Variants in SIK2 observed in about 807,000 individuals in gnomAD.
The protein encoded by SIK2 is serine/threonine-protein kinase SIK2.
In SIK2, 29 loss-of-function variants were observed where a neutral mutation model predicts 103.2. The observed-to-expected ratio is 0.28, with a 90% confidence interval of 0.21 to 0.38. The LOEUF (loss-of-function observed/expected upper bound fraction) is 0.38. SIK2 is among the 10% of genes least tolerant of loss of function. The pLI is 1.00. For synonymous variants in SIK2, 412 were observed against 446.1 expected, an observed-to-expected ratio of 0.92 and a Z score of 0.96; for missense variants, 879 against 1,171.0, an observed-to-expected ratio of 0.75 and a Z score of 3.64.
At chr11:111,623,232 A>G (rs1941917876) in intron 3 of SIK2, among the ~76,000 whole-genome samples, 1 of 152,122 alleles carries the variant, frequency 6.6e-6, no homozygotes, top group Non-Finnish European at 1.5e-5. Flanking sequence ...TATAAACTTG[A>G]CTAGGACTGT....
chr11:111,724,149 G>A lies in SIK2; in HGVS notation c.*20G>A. The A allele has an allele frequency of 6.3e-7, 1 of 1,596,104 alleles. No homozygotes were observed. Among genetic ancestry groups the A allele is most frequent in the Non-Finnish European group, 8.5e-7 (1 of 1,172,374 alleles). On this transcript the variant is annotated 3_prime_UTR_variant, in exon 15 of 15. Transcript: ENST00000304987. Reference sequence around the variant, plus strand: ...AATTAGTCTCAGCACAGGAATTGAGGTGGGTCAGGTGAAGGAAGAGTGTAT... The same window carrying A: ...AATTAGTCTCAGCACAGGAATTGAGATGGGTCAGGTGAAGGAAGAGTGTAT...
At chr11:111,653,334 C>T (rs1319945360) in intron 3 of SIK2, among the ~76,000 whole-genome samples, 1 of 152,228 alleles carries the variant, frequency 6.6e-6, no homozygotes, top group Non-Finnish European at 1.5e-5. Context: ...ATTTATGGAA[C>T]TGTTCTCGGA....
chr11:111,619,170 ATAAT>A (rs1356045112), intron 2 of SIK2, among the ~76,000 whole-genome samples: 1 of 152,216 alleles, frequency 6.6e-6, no homozygotes, highest in Non-Finnish European at 1.5e-5. Context: ...TTTGAGGTAA[ATAAT>A]TGGTTACAGT....
intron 3 of SIK2, among the ~76,000 whole-genome samples, chr11:111,633,576 G>A (rs1388156522): frequency 4.6e-5 from 7 of 152,114 alleles, no homozygotes; most frequent in African/African-American, 7.2e-5. Context: ...AAACATGAAC[G>A]AGGAAATACT....
chr11:111,605,941 A>G (rs1941643363), intron 1 of SIK2, among the ~76,000 whole-genome samples: 1 of 152,164 alleles, frequency 6.6e-6, no homozygotes, highest in Non-Finnish European at 1.5e-5. Flanking sequence ...CCAGCTTCCT[A>G]ATACGCTTTG....
chr11:111,703,286 A>G lies in SIK2; in HGVS notation c.811A>G (p.Met271Val). The change falls in exon 7 of 15, where the codon ATG becomes GTG. Residue 271 changes from methionine (M) to valine (V), a missense_variant. Physicochemically the swap from Met to Val is conservative, Grantham distance 21 (BLOSUM62 1). This residue lies in a region of SIK2 where 99 missense variants were observed against 153.9 expected (regional missense o/e 0.64). Coordinates refer to ENST00000304987, the MANE Select transcript of SIK2 (RefSeq NM_015191.3). The stretch of plus-strand genomic sequence containing the variant: ...AGCCCAAATCAAGGAGCATAAATGG[A>G]TGCTCATAGAAGTTCCTGTCCAGAG... ...TIAQIKEHKW[M>V]LIEVPVQRPV... 1 of 1,614,204 alleles carries G rather than the reference A, an allele frequency of 6.2e-7. No individual in the cohort carries two copies. The highest frequency in any genetic ancestry group is 8.5e-7 in the Non-Finnish European group (1 of 1,180,024).
chr11:111,641,803 G>A (rs1942187349), intron 3 of SIK2, among the ~76,000 whole-genome samples: 1 of 152,046 alleles, frequency 6.6e-6, no homozygotes, highest in Admixed American at 6.5e-5. Flanking sequence ...TTCCCTATGT[G>A]TACCGTATGA....
intron 3 of SIK2, among the ~76,000 whole-genome samples, chr11:111,654,146 ATTTC>A (rs1942362247): frequency 6.6e-6 from 1 of 152,202 alleles, no homozygotes; most frequent in Non-Finnish European, 1.5e-5. Context: ...TCCTAAGGGA[ATTTC>A]TTTATTGTTT....
At chr11:111,710,152 G>A (rs918988306) in intron 8 of SIK2, among the ~76,000 whole-genome samples, 2 of 152,198 alleles carry the variant, frequency 1.3e-5, no homozygotes, top group Non-Finnish European at 2.9e-5. Flanking sequence ...ACTTTAGTGG[G>A]AAGTGTAAAT....
chr11:111,649,348 C>T (rs929629506), intron 3 of SIK2, among the ~76,000 whole-genome samples: 1 of 152,068 alleles, frequency 6.6e-6, no homozygotes, highest in Non-Finnish European at 1.5e-5. Flanking sequence ...AAATTATTTT[C>T]TCTGAATCAG....
At chr11:111,620,035 T>C (rs537926204) in intron 2 of SIK2, among the ~76,000 whole-genome samples, 39 of 152,346 alleles carry the variant, frequency 2.6e-4, no homozygotes, top group Middle Eastern at 3.4e-3. Flanking sequence ...TTGGCAGTTT[T>C]GTTAAAATGT....
chr11:111,704,124 G>C (rs1008316325), intron 7 of SIK2, among the ~76,000 whole-genome samples: 1 of 152,268 alleles, frequency 6.6e-6, no homozygotes, highest in Admixed American at 6.5e-5. Flanking sequence ...CCTTTCCCCC[G>C]CCACGTAGCC....
intron 3 of SIK2, among the ~76,000 whole-genome samples, chr11:111,667,854 G>A (rs959290273): frequency 3.3e-5 from 5 of 152,204 alleles, no homozygotes; most frequent in African/African-American, 1.2e-4. Context: ...TTGTATGTCA[G>A]TGGTAGATCT....
At chr11:111,655,491 A>T (rs1429425065) in intron 3 of SIK2, among the ~76,000 whole-genome samples, 1 of 152,256 alleles carries the variant, frequency 6.6e-6, no homozygotes, top group East Asian at 1.9e-4. Context: ...TCTATAGGTC[A>T]GGCAATATCA....
chr11:111,709,994 C>T (rs1943454378), intron 8 of SIK2, among the ~76,000 whole-genome samples: 1 of 152,216 alleles, frequency 6.6e-6, no homozygotes, highest in African/African-American at 2.4e-5. Context: ...TTCCATATAG[C>T]ACCCCCAGTC....
intron 3 of SIK2, among the ~76,000 whole-genome samples, chr11:111,626,249 A>G (rs931789183): frequency 3.3e-5 from 5 of 152,198 alleles, no homozygotes; most frequent in Non-Finnish European, 7.3e-5. Flanking sequence ...AAATCTTTGG[A>G]TAGTCTTCAC....
At chr11:111,642,618 A>G (rs889193577) in intron 3 of SIK2, among the ~76,000 whole-genome samples, 2 of 152,134 alleles carry the variant, frequency 1.3e-5, no homozygotes, top group Admixed American at 6.5e-5. Flanking sequence ...GTCTCATTAC[A>G]TAGGCATGAT....
chr11:111,614,459 CAT>C (rs1187187603), intron 1 of SIK2, among the ~76,000 whole-genome samples: 2 of 152,148 alleles, frequency 1.3e-5, no homozygotes, highest in Non-Finnish European at 2.9e-5. Flanking sequence ...TCCATTAACA[CAT>C]ATTTTGTATG....
rs566767978 is a variant in SIK2 at position 111,704,104 on chromosome 11, G to A, written c.948+681G>A. Among the ~76,000 whole-genome samples the A allele has an allele frequency of 3.9e-5, 6 of 152,302 alleles. No homozygotes were observed. In the South Asian group the frequency reaches 1.2e-3, roughly 32 times the overall value. ...TTTGCTGTGAAAGACCAAGGCTCCG[G>A]GCTGTGCTGCCTTTCCCCCGCCACG... On this transcript the variant is annotated intron_variant, in intron 7 of 14. Transcript: ENST00000304987.
Sources: gnomAD v4.1 joint callset for allele counts (sites outside exome capture counted in the v4.1 genomes callset) on GRCh38, gnomAD v4.1.1 for gene constraint, gnomAD v4.1.1 regional missense constraint, MANE v1.5 for transcripts, NCBI Gene and HGNC (gene_info 2026-07-23, HGNC 2026-07-21) for gene names.